The following PSMD8 variants were observed in gnomAD, a reference collection of about 807,000 sequenced individuals.
PSMD8 encodes 26S proteasome non-ATPase regulatory subunit 8.
PSMD8 carries 30 observed loss-of-function variants against 40.0 expected under a neutral mutation model. The observed-to-expected ratio is 0.75, with a 90% CI of 0.56 to 1.02. PSMD8 has a LOEUF of 1.02. PSMD8 is among the 50% of genes least tolerant of loss of function. The probability of loss-of-function intolerance (pLI) is 0.00; values close to 1 mark genes in which losing one functional copy is unlikely to be tolerated. For missense variants in PSMD8, 461 were observed against 463.9 expected (o/e 0.99, Z 0.06); for synonymous variants, 208 against 192.5 (o/e 1.08, Z -0.67).
At position 38,383,726 on chromosome 19, in the gene PSMD8, A is replaced by C. The variant is rs1970663559; in HGVS notation, c.*336A>C. The C allele has an allele frequency of 3.4e-6, 1 of 293,940 alleles. No homozygotes were observed. Among genetic ancestry groups the C allele is most frequent in the South Asian group, 7.3e-5 (1 of 13,782 alleles). The allele number at this position is 293,940 out of a possible 1,614,324, so 18.2% of individuals were successfully genotyped here. ...TTCTAGCCAGCTGTGGACACATAGG[A>C]ATGCTGGACCAGGGTACCAGATTTT... On this transcript the variant is annotated 3_prime_UTR_variant, in exon 7 of 7. Coordinates refer to ENST00000215071, the MANE Select transcript of PSMD8 (RefSeq NM_002812.5).
chr19:38,382,946 G>T, intron 6 of PSMD8: 13 of 299,298 alleles, frequency 4.3e-5, no homozygotes, highest in Non-Finnish European at 4.4e-5. Flanking sequence ...AGGTGAAATT[G>T]AATTTTAGTG....
At position 38,380,949 on chromosome 19, in the gene PSMD8, C is replaced by T. The variant is rs1600498581; in HGVS notation, c.753C>T (p.Ile251=). The change falls in exon 5 of 7, where the codon ATC becomes ATT. Residue 251 remains isoleucine (I), a synonymous_variant. Coordinates refer to ENST00000215071, the MANE Select transcript of PSMD8 (RefSeq NM_002812.5). ...AAGTGTTCCTGGCCAAGGGTAACATCCCCGCCGAGAGCTACACCTTCTTCA... is the reference window on the plus strand; with the variant it reads ...AAGTGTTCCTGGCCAAGGGTAACATTCCCGCCGAGAGCTACACCTTCTTCA... ...YNKVFLAKGN[I]PAESYTFFID... is the part of the protein sequence containing the mutation. 4.0e-6 allele frequency: 6 copies of T among 1,514,860 alleles called. No individual in the cohort carries two copies. The highest frequency in any genetic ancestry group is 5.3e-6 in the Non-Finnish European group (6 of 1,130,154). 93.8% of individuals were successfully genotyped at this position (1,514,860 alleles called of 1,614,324 possible).
At position 38,383,262 on chromosome 19, in the gene PSMD8, G is replaced by A. The variant is rs768820229; in HGVS notation, c.925G>A (p.Val309Ile). The A allele has an allele frequency of 6.2e-7, 1 of 1,612,536 alleles. No individual in the cohort carries two copies. Among genetic ancestry groups the A allele is most frequent in the African/African-American group, 1.3e-5 (1 of 74,780 alleles). Residue 309 changes from valine (V) to isoleucine (I), a missense_variant, in exon 7 of 7, where the codon GTC becomes ATC. Val to Ile is a conservative substitution (Grantham distance 29). Transcript: ENST00000215071. ...CCCTCCTTTCCTGCAGCGAGGGTGG[G>A]TCCTGGGCCCCAACAACTACTACAG... ...MTDYAKKRGW[V>I]LGPNNYYSFA...
In PSMD8 at chr19:38,383,228, G is replaced by T. The variant is rs766061859; in HGVS notation, c.916-25G>T. On this transcript the variant is annotated intron_variant, in intron 6 of 6. Transcript: ENST00000215071. ...TGGAGCCTTTGTGATCACTCTACTC[G>T]TCTCTAATCCCTCCTTTCCTGCAGC... 1.9e-6 allele frequency: 3 copies of T among 1,611,944 alleles called. No homozygotes were observed. The Admixed American group carries it at 5.0e-5, about 27-fold the overall frequency.
Position 38,374,962 on chromosome 19 carries a change from G to C in PSMD8, c.360+1G>C. 3 of 1,555,918 alleles carry C rather than the reference G, an allele frequency of 1.9e-6. No individual in the cohort carries two copies. The highest frequency in any genetic ancestry group is 2.6e-6 in the Non-Finnish European group (3 of 1,159,128). On this transcript the variant is annotated splice_donor_variant, in intron 1 of 6. Coordinates refer to ENST00000215071, the MANE Select transcript of PSMD8 (RefSeq NM_002812.5). LOFTEE classifies it high-confidence loss of function. ...CGGGGAAGAGCTGGGTCGACTCAAG[G>C]TAAAGTCGGCAGGCCCAGGAAACCG...
intron 3 of PSMD8, 40 bp downstream of exon 3, chr19:38,376,494 A>G (rs1178212815): frequency 6.7e-7 from 1 of 1,483,472 alleles, no homozygotes; most frequent in Non-Finnish European, 9.2e-7. Flanking sequence ...GGGTGGTTGC[A>G]TGGAAGCTCC....
chr19:38,383,278 A>G lies in PSMD8; in HGVS notation c.941A>G (p.Asn314Ser), dbSNP rs760493996. The change falls in exon 7 of 7, where the codon AAC (asparagine) becomes AGC (serine). Residue 314 changes from asparagine to serine, a missense_variant. Asn to Ser is a conservative substitution (Grantham distance 46, BLOSUM62 1). Around this residue, in one of 2 missense-constraint regions of PSMD8, gnomAD observed 236 missense variants for 321.2 expected, o/e 0.73. Transcript: ENST00000215071. ...KKRGWVLGPN[N>S]YYSFASQQQK... is the part of the protein sequence containing the mutation. ...CGAGGGTGGGTCCTGGGCCCCAACA[A>G]CTACTACAGTTTTGCCAGCCAGCAG... 2 of 1,613,024 alleles carry G rather than the reference A, an allele frequency of 1.2e-6. No individual in the cohort carries two copies. The highest frequency in any genetic ancestry group is 1.7e-6 in the Non-Finnish European group (2 of 1,179,844).
intron 4 of PSMD8, 112 bp downstream of exon 4, chr19:38,379,517 G>A (rs921559747): frequency 2.6e-5 from 31 of 1,183,734 alleles, no homozygotes; most frequent in Non-Finnish European, 3.6e-5. Context: ...TCCACCCACG[G>A]ACCCATCCTC....
chr19:38,381,106 G>T (rs1227410331), intron 5 of PSMD8, 107 bp downstream of exon 5: 9 of 904,674 alleles, frequency 9.9e-6, no homozygotes, highest in Non-Finnish European at 1.3e-5. Flanking sequence ...GGGTAGGCTA[G>T]GTGTGTTTCT....
At chr19:38,378,527 T>A (rs1277907680) in intron 3 of PSMD8, among the ~76,000 whole-genome samples, 1 of 136,020 alleles carries the variant, frequency 7.4e-6, no homozygotes, top group Admixed American at 7.3e-5. Flanking sequence ...AAAAAAAAAA[T>A]TAGCTGGGCA....
rs184478556 is a variant in PSMD8, at chr19:38,376,346, C to T, written c.434-6C>T. 7.1e-6 allele frequency: 11 copies of T among 1,550,350 alleles called. No individual in the cohort carries two copies. Among genetic ancestry groups the T allele is most frequent in the Non-Finnish European group, 9.6e-6 (11 of 1,145,496 alleles). ...ACCTCCTGAGAGCTCACTCTGTCAC[C>T]CACAGGTGACATACTGGAGATCGGG... On this transcript the variant is annotated splice_region_variant and splice_polypyrimidine_tract_variant and intron_variant, in intron 2 of 6. Transcript: ENST00000215071.
chr19:38,376,088 G>A (rs1160792470), intron 1 of PSMD8, 72 bp from the exon 2 acceptor site: 13 of 1,397,938 alleles, frequency 9.3e-6, no homozygotes, highest in Admixed American at 2.0e-5. Flanking sequence ...GAAGACCAGA[G>A]CGTAGAGCAG....
chr19:38,374,980 G>A lies in PSMD8; in HGVS notation c.360+19G>A. On this transcript the variant is annotated intron_variant, in intron 1 of 6. Transcript: ENST00000215071. ...ACTCAAGGTAAAGTCGGCAGGCCCA[G>A]GAAACCGAGTGTTGCGGGCGTGGGA... 1 of 1,544,626 alleles carries A rather than the reference G, an allele frequency of 6.5e-7. No homozygotes were observed. Among genetic ancestry groups the A allele is most frequent in the East Asian group, 2.4e-5 (1 of 41,342 alleles).
intron 3 of PSMD8, among the ~76,000 whole-genome samples, chr19:38,377,744 C>T (rs1339198665): frequency 7.5e-6 from 1 of 133,408 alleles, no homozygotes; most frequent in Non-Finnish European, 1.6e-5. Context: ...ATTCTCCTGC[C>T]TCAGCCTCCC....
chr19:38,379,541 A>G (rs1345388654), intron 4 of PSMD8, 136 bp downstream of exon 4: 5 of 954,590 alleles, frequency 5.2e-6, no homozygotes, highest in Admixed American at 4.9e-5. Context: ...TTTGTCCAAC[A>G]AATACTGAGT....
chr19:38,379,382 A>G lies in PSMD8; in HGVS notation c.679A>G (p.Lys227Glu). The G allele has an allele frequency of 6.2e-7, 1 of 1,613,930 alleles. No homozygotes were observed. Among genetic ancestry groups the G allele is most frequent in the East Asian group, 2.2e-5 (1 of 44,884 alleles). ...AKDIQTNVYI[K>E]HPVSLEQYLM... ...GGACATACAGACCAATGTCTACATC[A>G]AGCACCCAGTGTCCCTGGAGCAAGT... Residue 227 changes from lysine (K) to glutamate (E), a missense_variant, in exon 4 of 7, where the codon AAG becomes GAG. This residue lies in a region of PSMD8 where 236 missense variants were observed against 321.2 expected (regional missense o/e 0.73). Transcript: ENST00000215071.
chr19:38,374,662 G>C lies in PSMD8; in HGVS notation c.61G>C (p.Gly21Arg). 6.6e-7 allele frequency: 1 copy of C among 1,522,794 alleles called. No individual in the cohort carries two copies. Among genetic ancestry groups the C allele is most frequent in the Non-Finnish European group, 8.8e-7 (1 of 1,141,004 alleles). The allele number at this position is 1,522,794 out of a possible 1,614,324, so 94.3% of individuals were successfully genotyped here. Residue 21 changes from glycine to arginine, a missense_variant, in exon 1 of 7, where the codon GGC becomes CGC. Gly to Arg is a moderately radical substitution (Grantham distance 125). Coordinates refer to ENST00000215071, the MANE Select transcript of PSMD8 (RefSeq NM_002812.5). Reference protein sequence around the residue: ...PPRERRRATRGGLRQVVAPPR... With the variant: ...PPRERRRATRRGLRQVVAPPR... ...TCGAGAGCGACGGCGGGCTACCCGGGGCGGGCTGAGGCAGGTTGTAGCCCC... is the reference window on the plus strand; with the variant it reads ...TCGAGAGCGACGGCGGGCTACCCGGCGCGGGCTGAGGCAGGTTGTAGCCCC...
chr19:38,383,262 G>C lies in PSMD8; in HGVS notation c.925G>C (p.Val309Leu), dbSNP rs768820229. Residue 309 changes from valine (V) to leucine (L), a missense_variant, in exon 7 of 7, where the codon GTC becomes CTC. Coordinates refer to ENST00000215071, the MANE Select transcript of PSMD8 (RefSeq NM_002812.5). ...CCCTCCTTTCCTGCAGCGAGGGTGG[G>C]TCCTGGGCCCCAACAACTACTACAG... Reference protein sequence around the residue: ...MTDYAKKRGWVLGPNNYYSFA... With the variant: ...MTDYAKKRGWLLGPNNYYSFA... The C allele has an allele frequency of 4.3e-6, 7 of 1,612,654 alleles. No individual in the cohort carries two copies. In the South Asian group the frequency reaches 7.7e-5, roughly 18 times the overall value.
At position 38,374,783 on chromosome 19, in the gene PSMD8, C is replaced by G. The variant is rs747599408; in HGVS notation, c.182C>G (p.Ser61Ter). ...CRKSGGLLAA[S>*]RKMAAAAVNG... The stretch of plus-strand genomic sequence containing the variant: ...AAATCAGGCGGTCTGCTTGCCGCAT[C>G]ACGCAAGATGGCGGCCGCGGCGGTG... The change falls in exon 1 of 7, where the codon TCA becomes TGA. Residue 61 changes from serine to a stop codon, truncating the protein, a stop_gained. Coordinates refer to ENST00000215071, the MANE Select transcript of PSMD8 (RefSeq NM_002812.5). LOFTEE classifies it high-confidence loss of function. The G allele has an allele frequency of 1.9e-6, 3 of 1,572,076 alleles. No individual in the cohort carries two copies. Among genetic ancestry groups the G allele is most frequent in the Non-Finnish European group, 2.6e-6 (3 of 1,164,378 alleles).
Sources: gnomAD v4.1 joint callset for allele counts (sites outside exome capture counted in the v4.1 genomes callset) on GRCh38, gnomAD v4.1.1 for gene constraint, gnomAD v4.1.1 regional missense constraint, MANE v1.5 for transcripts, NCBI Gene and HGNC (gene_info 2026-07-23, HGNC 2026-07-21) for gene names.